EXOC6: variants seen among roughly 807,000 people sequenced by gnomAD.
EXOC6 encodes SEC15-like 1.
In EXOC6, 60 loss-of-function variants were observed where a neutral mutation model predicts 112.5. The observed-to-expected ratio is 0.53, with a 90% confidence interval of 0.43 to 0.66. The LOEUF (loss-of-function observed/expected upper bound fraction) is 0.66. Ranked by LOEUF, EXOC6 falls within the 30% of genes least tolerant of loss-of-function variation. The pLI, the probability that EXOC6 is intolerant of heterozygous loss-of-function variation, is 0.00. For synonymous variants in EXOC6, 295 were observed against 308.0 expected (o/e 0.96, Z 0.44); for missense variants, 855 against 957.1 (o/e 0.89, Z 1.41).
chr10:92,992,798 C>T (rs1211090767), intron 18 of EXOC6, among the ~76,000 whole-genome samples: 1 of 151,636 alleles, frequency 6.6e-6, no homozygotes, highest in Non-Finnish European at 1.5e-5. Context: ...AAAAGAGCTA[C>T]AATTTATAAC....
At position 92,948,262 on chromosome 10, in the gene EXOC6, C is replaced by G. The variant is rs1043988036; in HGVS notation, c.1311-12C>G. ...TTGTAATGATAAGTTTTCAATTTTC[C>G]TTTCCTAACAGGGACATTTTTGAAG... On this transcript the variant is annotated splice_polypyrimidine_tract_variant and intron_variant, in intron 13 of 21. Transcript: ENST00000260762. The G allele has an allele frequency of 4.5e-6, 7 of 1,544,874 alleles. No homozygotes were observed. Among genetic ancestry groups the G allele is most frequent in the Non-Finnish European group, 3.6e-6 (4 of 1,126,224 alleles).
intron 20 of EXOC6, among the ~76,000 whole-genome samples, chr10:93,050,951 G>A (rs1191832082): frequency 1.3e-5 from 2 of 151,914 alleles, no homozygotes; most frequent in African/African-American, 4.8e-5. Context: ...GCAGTGAACT[G>A]TTGGTTTCAT....
chr10:92,986,282 G>A (rs2134138782), intron 18 of EXOC6, among the ~76,000 whole-genome samples: 1 of 152,146 alleles, frequency 6.6e-6, no homozygotes, highest in East Asian at 1.9e-4. Context: ...AAAGAATGTG[G>A]AAAATATAGT....
At chr10:92,888,346 A>C (rs1849332523) in intron 1 of EXOC6, among the ~76,000 whole-genome samples, 2 of 152,216 alleles carry the variant, frequency 1.3e-5, no homozygotes, top group Non-Finnish European at 2.9e-5. Context: ...AAGCAGGAGG[A>C]GTTTTGTTTT....
chr10:92,953,747 TAGG>T (rs1440979661), intron 15 of EXOC6, among the ~76,000 whole-genome samples: 1 of 152,174 alleles, frequency 6.6e-6, no homozygotes, highest in African/African-American at 2.4e-5. Context: ...ACCGAATGGT[TAGG>T]AGAAGAGAAT....
At chr10:92,903,214 G>T (rs1850268029) in intron 5 of EXOC6, among the ~76,000 whole-genome samples, 1 of 151,972 alleles carries the variant, frequency 6.6e-6, no homozygotes, top group Middle Eastern at 3.2e-3. Flanking sequence ...CATTAGCAAT[G>T]TATTAATATA....
chr10:92,952,453 A>G lies in EXOC6; in HGVS notation c.1526+71A>G, dbSNP rs1194086903. 5 of 995,774 alleles carry G rather than the reference A, an allele frequency of 5.0e-6. No homozygotes were observed. The African/African-American group carries it at 6.6e-5, about 13-fold the overall frequency. 61.7% of individuals were successfully genotyped at this position (995,774 alleles called of 1,614,324 possible). A position where few individuals can be genotyped will look rare whatever the true frequency, so the allele number is the denominator to read the frequency against. ...AACATTAATACTTTATTTTTATGCC[A>G]TAACTTTTTTTTCCTCAACTTTTAT... is the stretch of plus-strand genomic sequence containing the variant. On this transcript the variant is annotated intron_variant, in intron 15 of 21. Coordinates refer to ENST00000260762, the MANE Select transcript of EXOC6 (RefSeq NM_019053.6).
intron 1 of EXOC6, among the ~76,000 whole-genome samples, chr10:92,828,654 T>A (rs1846422907): frequency 7.3e-6 from 1 of 137,612 alleles, no homozygotes; most frequent in Non-Finnish European, 1.6e-5. Context: ...TTTTTTTTAA[T>A]AGACTTCTAT....
chr10:92,960,862 A>T (rs1853955657), intron 17 of EXOC6, among the ~76,000 whole-genome samples: 1 of 152,036 alleles, frequency 6.6e-6, no homozygotes, highest in Non-Finnish European at 1.5e-5. Flanking sequence ...GCTGTAGTTT[A>T]TTTATTTTGA....
At position 92,956,546 on chromosome 10, in the gene EXOC6, C is replaced by T. The variant is rs181554572; in HGVS notation, c.1773+832C>T. ...TAACTAATTTAGTGTTAACATTTAACCATATGTTGCAAGTGTGAAGTCCAC... is the reference window on the plus strand; with the variant it reads ...TAACTAATTTAGTGTTAACATTTAATCATATGTTGCAAGTGTGAAGTCCAC... On this transcript the variant is annotated intron_variant, in intron 17 of 21. Coordinates refer to ENST00000260762, the MANE Select transcript of EXOC6 (RefSeq NM_019053.6). Among the ~76,000 whole-genome samples the T allele has an allele frequency of 2.7e-3, 406 of 152,168 alleles. 2 individuals are homozygous for T. The highest frequency in any genetic ancestry group is 9.4e-3 in the African/African-American group (391 of 41,548).
At chr10:92,995,260 TG>T (rs1393220528) in intron 18 of EXOC6, among the ~76,000 whole-genome samples, 2 of 152,136 alleles carry the variant, frequency 1.3e-5, no homozygotes, top group African/African-American at 4.8e-5. Flanking sequence ...ACCAGGTTTC[TG>T]GAATAGCCTG....
At chr10:92,949,790 T>A (rs1442250488) in intron 14 of EXOC6, among the ~76,000 whole-genome samples, 1 of 152,128 alleles carries the variant, frequency 6.6e-6, no homozygotes, top group African/African-American at 2.4e-5. Flanking sequence ...GAGACAGGGT[T>A]TCACCGTGTA....
chr10:92,949,611 A>T (rs1400938711), intron 14 of EXOC6, among the ~76,000 whole-genome samples: 30 of 127,026 alleles, frequency 2.4e-4, no homozygotes, highest in African/African-American at 7.9e-4. Context: ...TTTTTTTTTG[A>T]GACGGAGTTT....
At chr10:93,028,062 C>T (rs941214387) in intron 20 of EXOC6, among the ~76,000 whole-genome samples, 15 of 151,958 alleles carry the variant, frequency 9.9e-5, no homozygotes, top group African/African-American at 1.5e-4. Flanking sequence ...TTTGGGAGGC[C>T]GAGGTGGGAG....
At chr10:92,831,345 T>G (rs1486404812), upstream of EXOC6, 1 of 1,288,726 alleles carries the variant, frequency 7.8e-7, no homozygotes, top group East Asian at 5.5e-5. Context: ...AGGAGCGGGG[T>G]CATGCAGTGA....
At chr10:93,011,114 CTT>C (rs1844221960) in intron 19 of EXOC6, among the ~76,000 whole-genome samples, 1 of 150,410 alleles carries the variant, frequency 6.6e-6, no homozygotes, top group Admixed American at 6.7e-5. Flanking sequence ...CATAGAAAGT[CTT>C]TATTTATGAG....
chr10:92,999,519 T>G (rs1370573339), intron 19 of EXOC6: 1 of 227,186 alleles, frequency 4.4e-6, no homozygotes, highest in Non-Finnish European at 8.8e-6. Context: ...TCAAGACATT[T>G]TCGTGTTACA....
intron 1 of EXOC6, among the ~76,000 whole-genome samples, chr10:92,835,637 C>G (rs1375009700): frequency 6.6e-6 from 1 of 151,922 alleles, no homozygotes; most frequent in Non-Finnish European, 1.5e-5. Flanking sequence ...TCAGAAAGAC[C>G]CCAGGGCCAA....
At chr10:92,961,803 G>C (rs1202254990) in intron 17 of EXOC6, among the ~76,000 whole-genome samples, 4 of 151,482 alleles carry the variant, frequency 2.6e-5, no homozygotes, top group Admixed American at 1.3e-4. Flanking sequence ...AATGGTTGAG[G>C]ACTACTTTAA....
Sources: allele counts gnomAD v4.1 joint callset (sites outside exome capture counted in the v4.1 genomes callset), GRCh38; gene constraint gnomAD v4.1.1; transcripts MANE v1.5; gene names NCBI Gene and HGNC (gene_info 2026-07-23, HGNC 2026-07-21).